Variants in KLHL13 observed in about 807,000 individuals in gnomAD.
The protein encoded by KLHL13 is kelch-like protein 13.
A neutral mutation model predicts 37.1 loss-of-function variants in KLHL13; 10 were observed. That is an observed-to-expected ratio of 0.27 (90% CI 0.17 to 0.46). The LOEUF is 0.46. KLHL13 is among the 20% of genes least tolerant of loss of function. KLHL13 has a pLI of 1.00. For missense variants in KLHL13, 360 were observed against 509.3 expected, an observed-to-expected ratio of 0.71 and a Z score of 2.82; for synonymous variants, 163 against 181.2, an observed-to-expected ratio of 0.90 and a Z score of 0.81.
At chrX:118,080,830 AT>A (rs1240418607) in intron 1 of KLHL13, among the ~76,000 whole-genome samples, 6 of 112,166 alleles carry the variant, frequency 5.3e-5, no homozygotes, top group African/African-American at 1.9e-4. Context: ...TCATCATACT[AT>A]TCATAATAGC....
chrX:117,995,428 T>A (rs912020915), intron 1 of KLHL13, among the ~76,000 whole-genome samples: 1 of 110,712 alleles, frequency 9.0e-6, no homozygotes, highest in African/African-American at 3.3e-5. Flanking sequence ...AAAGTAGTGA[T>A]TTTTTTTTAA....
chrX:117,908,125 C>A (rs970810797), intron 5 of KLHL13, among the ~76,000 whole-genome samples: 4 of 107,245 alleles, frequency 3.7e-5, no homozygotes, highest in Admixed American at 1.0e-4. Context: ...TGTGTTCAAG[C>A]AATCCTGCTT....
Position 118,084,694 on chromosome X carries a change from T to G in KLHL13, c.-56+31814A>C, listed in dbSNP as rs146153122. On this transcript the variant is annotated intron_variant, in intron 1 of 6. Coordinates refer to the KLHL13 transcript ENST00000371882. ...TGTAGGAGACTATTTAGATAAATTATAAAACATCCAAATGACACAGTACTA... is the reference window on the plus strand; with the variant it reads ...TGTAGGAGACTATTTAGATAAATTAGAAAACATCCAAATGACACAGTACTA... Among the ~76,000 whole-genome samples the G allele has an allele frequency of 8.8e-3, 982 of 111,547 alleles. 13 individuals carry two copies. Among genetic ancestry groups the G allele is most frequent in the African/African-American group, 0.03 (923 of 30,705 alleles).
Position 118,109,453 on chromosome X carries a change from C to T in KLHL13, c.-56+7055G>A, listed in dbSNP as rs369386763. Among the ~76,000 whole-genome samples the T allele has an allele frequency of 1.2e-4, 14 of 112,107 alleles. No homozygotes were observed. In the East Asian group the frequency reaches 2.8e-3, roughly 23 times the overall value. On this transcript the variant is annotated intron_variant, in intron 1 of 6. Transcript: ENST00000371882. ...AGCTGCCCTTGCAAGCAGAGACTTT[C>T]TCTGAAATATTGGGGTTTGCCTCAG...
chrX:117,961,133 A>G (rs2053288485), intron 1 of KLHL13, among the ~76,000 whole-genome samples: 1 of 112,239 alleles, frequency 8.9e-6, no homozygotes, highest in Non-Finnish European at 1.9e-5. Context: ...GTAGAGCACA[A>G]TAAAAGCTCT....
chrX:117,973,139 T>C, exon 1 of KLHL13: 1 of 959,860 alleles, frequency 1.0e-6, no homozygotes, highest in Non-Finnish European at 1.3e-6. Context: ...GCAGCTTTAT[T>C]TAATAAAAGC....
chrX:118,032,110 A>C lies in KLHL13; in HGVS notation c.-56+84398T>G, dbSNP rs6645434. Among the ~76,000 whole-genome samples, 646 of 111,456 alleles carry C rather than the reference A, an allele frequency of 5.8e-3. 5 individuals are homozygous for C. The highest frequency in any genetic ancestry group is 0.018 in the African/African-American group (555 of 30,687). Reference sequence around the variant, plus strand: ...GGTCCTAGGCCCACGGAGTCTCCTGATTGCTTGCACAGCAGTCTGAGATCA... The same window carrying C: ...GGTCCTAGGCCCACGGAGTCTCCTGCTTGCTTGCACAGCAGTCTGAGATCA... On this transcript the variant is annotated intron_variant, in intron 1 of 6. Coordinates refer to the KLHL13 transcript ENST00000371882.
intron 1 of KLHL13, 45 bp downstream of exon 1, chrX:118,116,463 G>GGAAGC (rs1038359869): frequency 1.8e-5 from 2 of 113,193 alleles, no homozygotes; most frequent in Non-Finnish European, 3.7e-5. Flanking sequence ...CCGAAGGCAG[G>GGAAGC]GAAGCGGCTG....
At chrX:118,050,261 G>A (rs897278762) in intron 1 of KLHL13, among the ~76,000 whole-genome samples, 1 of 111,900 alleles carries the variant, frequency 8.9e-6, no homozygotes, top group African/African-American at 3.2e-5. Context: ...GAATGCCTTT[G>A]AGGTATATTG....
At chrX:117,968,965 T>C (rs749368875) in intron 1 of KLHL13, among the ~76,000 whole-genome samples, 58 of 111,678 alleles carry the variant, frequency 5.2e-4, no homozygotes, top group Admixed American at 8.6e-4. Flanking sequence ...ACAGAGGCAA[T>C]TGCTATAGAA....
At chrX:118,015,324 C>CAT (rs2147998247) in intron 1 of KLHL13, among the ~76,000 whole-genome samples, 1 of 111,559 alleles carries the variant, frequency 9.0e-6, no homozygotes, top group Non-Finnish European at 1.9e-5. Flanking sequence ...ATTTACCCTG[C>CAT]ATATATATAA....
chrX:117,940,015 C>G (rs1417084820), intron 2 of KLHL13, among the ~76,000 whole-genome samples: 1 of 111,757 alleles, frequency 8.9e-6, no homozygotes, highest in Non-Finnish European at 1.9e-5. Context: ...AACTCTTTGC[C>G]GATGCCTGTG....
intron 1 of KLHL13, among the ~76,000 whole-genome samples, chrX:118,035,677 A>G (rs1354940135): frequency 2.7e-5 from 3 of 111,116 alleles, no homozygotes; most frequent in Admixed American, 9.5e-5. Context: ...TTTTGAAAAC[A>G]GGCACAAGAC....
intron 1 of KLHL13, among the ~76,000 whole-genome samples, chrX:117,971,803 T>A (rs1309401895): frequency 9.0e-6 from 1 of 111,718 alleles, no homozygotes; most frequent in Non-Finnish European, 1.9e-5. Flanking sequence ...ACAATTAAAC[T>A]AAGGCAGGAG....
intron 2 of KLHL13, among the ~76,000 whole-genome samples, chrX:117,923,190 C>T (rs6603348): frequency 0.17 from 18,863 of 111,431 alleles, 2,187 homozygotes; most frequent in African/African-American, 0.42. Flanking sequence ...ATACACTTAG[C>T]TGTCTAAGTA....
chrX:117,901,148 G>GA (rs1460141682), intron 6 of KLHL13, among the ~76,000 whole-genome samples: 1 of 111,714 alleles, frequency 9.0e-6, no homozygotes, highest in Non-Finnish European at 1.9e-5. Context: ...GGACTATACT[G>GA]AAAGAGAGAA....
intron 2 of KLHL13, among the ~76,000 whole-genome samples, chrX:117,927,323 G>C (rs917748333): frequency 3.5e-4 from 39 of 112,280 alleles, no homozygotes; most frequent in African/African-American, 1.3e-3. Context: ...GGCATTGGTA[G>C]CAAGAGGAGT....
intron 1 of KLHL13, among the ~76,000 whole-genome samples, chrX:118,029,830 T>C (rs954383209): frequency 6.4e-5 from 7 of 109,783 alleles, no homozygotes; most frequent in African/African-American, 2.3e-4. Flanking sequence ...TAGCTGGGCA[T>C]GGTGGTATGT....
intron 1 of KLHL13, among the ~76,000 whole-genome samples, chrX:118,011,206 A>G (rs2054063521): frequency 9.1e-6 from 1 of 109,933 alleles, no homozygotes; most frequent in African/African-American, 3.3e-5. Context: ...TAGGCCCAAC[A>G]TATGAGAGAA....
Sources: allele counts gnomAD v4.1 joint callset (sites outside exome capture counted in the v4.1 genomes callset), GRCh38; gene constraint gnomAD v4.1.1; transcripts MANE v1.5; gene names NCBI Gene and HGNC (gene_info 2026-07-23, HGNC 2026-07-21).